LOC400499: variants seen among roughly 807,000 people sequenced by gnomAD.
chr16:11,396,915 G>A, the LOC400499 span, among the ~76,000 whole-genome samples: 1 of 152,124 alleles, frequency 6.6e-6, no homozygotes, highest in African/African-American at 2.4e-5. Flanking sequence ...CTCCGTAAGT[G>A]CTGCCCCGTG....
the LOC400499 span, among the ~76,000 whole-genome samples, chr16:11,484,159 C>T: frequency 2.0e-5 from 3 of 151,830 alleles, no homozygotes; most frequent in Non-Finnish European, 4.4e-5. Context: ...AGGCACCCAC[C>T]ACCACGCCTG....
the LOC400499 span, chr16:11,423,301 C>A: frequency 2.5e-6 from 1 of 399,140 alleles, no homozygotes; most frequent in Non-Finnish European, 4.4e-6. Context: ...CTTCCCTGAC[C>A]CCAGAGTGAA....
the LOC400499 span, chr16:11,473,136 T>TAAATAAATA: frequency 6.6e-6 from 1 of 150,786 alleles, no homozygotes; most frequent in Non-Finnish European, 1.5e-5. Context: ...AATAAATAAA[T>TAAATAAATA]AAATAAAATA....
chr16:11,442,264 A>C, the LOC400499 span: 6 of 151,662 alleles, frequency 4.0e-5, no homozygotes, highest in African/African-American at 1.2e-4. Context: ...TCTGTCACCC[A>C]GGCTGGAGTG....
At chr16:11,460,634 C>A in the LOC400499 span, 30 of 1,505,398 alleles carry the variant, frequency 2.0e-5, no homozygotes, top group Non-Finnish European at 2.6e-5. Context: ...CCCAGAGACC[C>A]CTGCCCTCCT....
the LOC400499 span, chr16:11,423,294 C>T: frequency 5.0e-6 from 2 of 399,106 alleles, no homozygotes; most frequent in Non-Finnish European, 8.8e-6. Context: ...CTGGCTTCTT[C>T]CCTGACCCCA....
At chr16:11,487,469 A>T in the LOC400499 span, 1 of 397,918 alleles carries the variant, frequency 2.5e-6, no homozygotes, top group Non-Finnish European at 4.4e-6. Context: ...ATACCCTGAG[A>T]CAGGGCCAGA....
chr16:11,380,176 A>G, the LOC400499 span, among the ~76,000 whole-genome samples: 4 of 152,144 alleles, frequency 2.6e-5, no homozygotes, highest in African/African-American at 9.7e-5. Flanking sequence ...CCAATAAAAT[A>G]ATTACAGAGA....
At chr16:11,476,776 A>T in the LOC400499 span, 1 of 399,298 alleles carries the variant, frequency 2.5e-6, no homozygotes, top group African/African-American at 2.1e-5. Context: ...GAAGCTGAGC[A>T]GCTCCACGGC....
At chr16:11,475,453 T>G in the LOC400499 span, among the ~76,000 whole-genome samples, 1 of 152,252 alleles carries the variant, frequency 6.6e-6, no homozygotes, top group East Asian at 1.9e-4. Flanking sequence ...TCCTTAACCT[T>G]GGCAAAGTAG....
chr16:11,461,263 A>T, the LOC400499 span: 1 of 1,016,216 alleles, frequency 9.8e-7, no homozygotes, highest in East Asian at 2.7e-5. Context: ...CACCCTGCAC[A>T]ACAGGCCACA....
At chr16:11,469,144 G>T in the LOC400499 span, 11 of 399,428 alleles carry the variant, frequency 2.8e-5, no homozygotes, top group Admixed American at 1.8e-4. Flanking sequence ...GTCAGGTGCA[G>T]ACACAGGTGG....
the LOC400499 span, chr16:11,523,649 T>G: frequency 5.1e-6 from 2 of 390,570 alleles, no homozygotes; most frequent in African/African-American, 4.1e-5. Flanking sequence ...TGGAAGTGAT[T>G]GCCCTACCCT....
chr16:11,385,111 G>T, the LOC400499 span: 3 of 1,231,808 alleles, frequency 2.4e-6, no homozygotes, highest in Non-Finnish European at 2.0e-6. Context: ...CCACAGCCAG[G>T]TGACAAGCTT....
the LOC400499 span, among the ~76,000 whole-genome samples, chr16:11,438,803 A>T: frequency 1.5e-3 from 226 of 152,034 alleles, no homozygotes; most frequent in Middle Eastern, 0.017. Flanking sequence ...GAAATTTTAA[A>T]ATGCTATCGG....
the LOC400499 span, among the ~76,000 whole-genome samples, chr16:11,468,865 G>A: frequency 6.6e-6 from 1 of 152,192 alleles, no homozygotes; most frequent in African/African-American, 2.4e-5. Flanking sequence ...GATTTCAGGT[G>A]ATCTGCCCGC....
chr16:11,441,445 T>A, the LOC400499 span, among the ~76,000 whole-genome samples: 4 of 152,224 alleles, frequency 2.6e-5, no homozygotes, highest in African/African-American at 9.6e-5. Flanking sequence ...TCACTAGTTA[T>A]AGCCTGAAAC....
chr16:11,498,805 C>G, the LOC400499 span, among the ~76,000 whole-genome samples: 1 of 151,652 alleles, frequency 6.6e-6, no homozygotes, highest in African/African-American at 2.4e-5. Context: ...AGTGCTGTGT[C>G]CCAGACTAAT....
chr16:11,398,431 G>C, the LOC400499 span: 20 of 1,232,180 alleles, frequency 1.6e-5, no homozygotes, highest in African/African-American at 2.9e-4. Flanking sequence ...CAGAAGCTCT[G>C]ACGGGTACAA....
Sources: allele counts gnomAD v4.1 joint callset (sites outside exome capture counted in the v4.1 genomes callset), GRCh38; gene constraint gnomAD v4.1.1; transcripts MANE v1.5.